The following PPIL4 variants were observed in gnomAD, a reference collection of about 807,000 sequenced individuals.
PPIL4 encodes peptidyl-prolyl cis-trans isomerase-like 4.
PPIL4 carries 50 observed loss-of-function variants against 69.1 expected under a neutral mutation model. That is an observed-to-expected ratio of 0.72 (90% CI 0.58 to 0.92). The LOEUF is 0.92. Ranked by LOEUF, PPIL4 falls within the 40% of genes least tolerant of loss-of-function variation. PPIL4 has a pLI of 0.00. For synonymous variants in PPIL4, 193 were observed against 191.6 expected (o/e 1.01, Z -0.06); for missense variants, 480 against 587.9 (o/e 0.82, Z 1.90).
At chr6:149,512,033 T>C (rs944589352) in intron 12 of PPIL4, 122 bp downstream of exon 12, 10 of 699,190 alleles carry the variant, frequency 1.4e-5, no homozygotes, top group African/African-American at 3.6e-5. Flanking sequence ...TTCTGCTTCT[T>C]AGGAACAAAC....
intron 1 of PPIL4, among the ~76,000 whole-genome samples, chr6:149,542,867 G>C (rs1777383896): frequency 6.6e-6 from 1 of 152,176 alleles, no homozygotes; most frequent in Non-Finnish European, 1.5e-5. Context: ...TTCTGTAATA[G>C]TCTGGTATTA....
At chr6:149,505,854 A>G in intron 12 of PPIL4, 150 bp from the exon 13 acceptor site, 2 of 661,144 alleles carry the variant, frequency 3.0e-6, no homozygotes, top group Non-Finnish European at 5.1e-6. Flanking sequence ...GAATCTTGTA[A>G]ATTACAAAGC....
chr6:149,530,492 C>T (rs1434234085), intron 7 of PPIL4, among the ~76,000 whole-genome samples: 1 of 151,958 alleles, frequency 6.6e-6, no homozygotes, highest in African/African-American at 2.4e-5. Context: ...AACCCTGTCT[C>T]TACTAAAAAT....
In PPIL4 at chr6:149,540,925, C is replaced by T; in HGVS notation, c.321+17G>A. ...TTCATTTCTAAGCAAATCTCATATT[C>T]TTACTCATTTCCTAACCTGAGATCC... On this transcript the variant is annotated intron_variant, in intron 4 of 12. Coordinates refer to ENST00000253329, the MANE Select transcript of PPIL4 (RefSeq NM_139126.4). 7.0e-7 allele frequency: 1 copy of T among 1,437,930 alleles called. No homozygotes were observed. 89.1% of individuals were successfully genotyped at this position (1,437,930 alleles called of 1,614,324 possible). A position where few individuals can be genotyped will look rare whatever the true frequency, so the allele number is the denominator to read the frequency against.
chr6:149,521,715 T>C (rs1301496052), intron 9 of PPIL4, among the ~76,000 whole-genome samples: 1 of 152,220 alleles, frequency 6.6e-6, no homozygotes, highest in East Asian at 1.9e-4. Flanking sequence ...TAATCACAGA[T>C]GTAATGTGTA....
At chr6:149,525,955 T>C (rs1306237416) in intron 8 of PPIL4, among the ~76,000 whole-genome samples, 3 of 151,994 alleles carry the variant, frequency 2.0e-5, no homozygotes, top group Non-Finnish European at 4.4e-5. Flanking sequence ...AAAAATTAGC[T>C]GGGCGTGTTG....
intron 4 of PPIL4, among the ~76,000 whole-genome samples, chr6:149,536,370 A>G (rs1014055311): frequency 6.6e-6 from 1 of 152,368 alleles, no homozygotes; most frequent in African/African-American, 2.4e-5. Context: ...ATGATTAAGC[A>G]TAGTGAGAAA....
intron 9 of PPIL4, among the ~76,000 whole-genome samples, chr6:149,523,295 CA>C (rs934842483): frequency 4.0e-5 from 6 of 148,954 alleles, no homozygotes; most frequent in African/African-American, 7.4e-5. Context: ...CCTTAAAAAA[CA>C]AAAAAAAAGT....
Position 149,546,043 on chromosome 6 carries a change from G to A in PPIL4, c.-38C>T, listed in dbSNP as rs150690324. The A allele has an allele frequency of 1.6e-5, 25 of 1,546,772 alleles. No individual in the cohort carries two copies. Among genetic ancestry groups the A allele is most frequent in the East Asian group, 2.4e-5 (1 of 41,086 alleles). ...TCCTCCGCTACAAACCCCGGGAGGA[G>A]GGGGGTGACAGGCGCAGGCCGACGG... On this transcript the variant is annotated 5_prime_UTR_variant, in exon 1 of 13. Transcript: ENST00000253329.
intron 7 of PPIL4, among the ~76,000 whole-genome samples, chr6:149,528,010 C>G (rs902570947): frequency 1.3e-5 from 2 of 152,200 alleles, no homozygotes; most frequent in African/African-American, 4.8e-5. Context: ...AATCCCAACA[C>G]TTTGGGAGGC....
In PPIL4 at chr6:149,513,385, C is replaced by CAAAA. The variant is rs1170985851; in HGVS notation, c.1080-1087_1080-1084dup. Among the ~76,000 whole-genome samples, 20 of 41,544 alleles carry CAAAA rather than the reference C, an allele frequency of 4.8e-4. 3 individuals are homozygous for CAAAA. Among genetic ancestry groups the CAAAA allele is most frequent in the African/African-American group, 2.8e-3 (15 of 5,394 alleles). 27.3% of individuals were successfully genotyped at this position (41,544 alleles called of 152,430 possible). On this transcript the variant is annotated intron_variant, in intron 11 of 12. Transcript: ENST00000253329. ...GGGTGACAGAGCGGGGACTCAGTCT[C>CAAAA]AAAAAAAAAAAAAAAAAAAAAAAAA...
intron 3 of PPIL4, 61 bp from the exon 4 acceptor site, chr6:149,541,120 G>A: frequency 1.1e-6 from 1 of 908,934 alleles, no homozygotes; most frequent in East Asian, 2.4e-5. Flanking sequence ...AGAAGTACTA[G>A]TAACATACAG....
intron 5 of PPIL4, among the ~76,000 whole-genome samples, chr6:149,535,084 C>T (rs759268782): frequency 2.0e-5 from 3 of 152,218 alleles, no homozygotes; most frequent in African/African-American, 4.8e-5. Flanking sequence ...CAGCTGGGTG[C>T]AGTGGCTCAT....
intron 8 of PPIL4, among the ~76,000 whole-genome samples, 185 bp from the exon 9 acceptor site, chr6:149,525,394 A>G (rs1777092043): frequency 6.6e-6 from 1 of 152,240 alleles, no homozygotes; most frequent in African/African-American, 2.4e-5. Flanking sequence ...AGCAGTAACT[A>G]AATTATCTAA....
chr6:149,513,217 C>T lies in PPIL4; in HGVS notation c.1080-915G>A, dbSNP rs1447001486. On this transcript the variant is annotated intron_variant, in intron 11 of 12. Coordinates refer to ENST00000253329, the MANE Select transcript of PPIL4 (RefSeq NM_139126.4). ...CCTGGCCAATATGGTGAAACCCCAT[C>T]TCTACTAAAAATACAAAAATTAGCC... 8.9e-5 allele frequency among the ~76,000 whole-genome samples: 13 copies of T among 146,796 alleles called. No homozygotes were observed. In the East Asian group the frequency reaches 2.6e-3, roughly 29 times the overall value.
At chr6:149,543,743 G>A (rs948874491) in intron 1 of PPIL4, among the ~76,000 whole-genome samples, 2 of 151,628 alleles carry the variant, frequency 1.3e-5, no homozygotes, top group Non-Finnish European at 2.9e-5. Context: ...AATACATACT[G>A]AAGTAATTAC....
intron 11 of PPIL4, among the ~76,000 whole-genome samples, chr6:149,513,428 T>TATAC (rs1776891817): frequency 7.9e-6 from 1 of 127,048 alleles, no homozygotes; most frequent in African/African-American, 3.2e-5. Flanking sequence ...TATATATATA[T>TATAC]ATATATATAT....
chr6:149,531,618 T>C (rs887152819), intron 7 of PPIL4, among the ~76,000 whole-genome samples: 6 of 151,988 alleles, frequency 3.9e-5, no homozygotes, highest in Admixed American at 2.6e-4. Context: ...GAGGAAACAA[T>C]TATAAAAGAT....
chr6:149,533,412 T>C, intron 7 of PPIL4, 46 bp downstream of exon 7: 1 of 999,256 alleles, frequency 1.0e-6, no homozygotes, highest in Non-Finnish European at 1.6e-6. Flanking sequence ...CAGTAAGTAT[T>C]ATTAGATATA....
Sources: gnomAD v4.1 joint callset for allele counts (sites outside exome capture counted in the v4.1 genomes callset) on GRCh38, gnomAD v4.1.1 for gene constraint, MANE v1.5 for transcripts, NCBI Gene and HGNC (gene_info 2026-07-23, HGNC 2026-07-21) for gene names.